Variants in BASP1 observed in about 807,000 individuals in gnomAD.
BASP1 encodes brain acid soluble protein 1.
BASP1 carries 1 observed loss-of-function variant against 2.2 expected under a neutral mutation model. That is an observed-to-expected ratio of 0.46 (90% CI 0.16 to 2.17). The LOEUF is 2.17. BASP1 is among the 30% of genes most tolerant of loss of function. The pLI is 0.27. For synonymous variants in BASP1, 187 were observed against 154.2 expected (o/e 1.21, Z -1.58); for missense variants, 352 against 327.2 (o/e 1.08, Z -0.58).
At chr5:17,269,369 GCAAA>G (rs1238422028) in intron 1 of BASP1, among the ~76,000 whole-genome samples, 1 of 152,200 alleles carries the variant, frequency 6.6e-6, no homozygotes, top group Non-Finnish European at 1.5e-5. Flanking sequence ...TTCCACGGAT[GCAAA>G]CACTTTTTGA....
intron 1 of BASP1, among the ~76,000 whole-genome samples, chr5:17,248,227 T>A (rs1740033362): frequency 6.6e-6 from 1 of 152,228 alleles, no homozygotes; most frequent in Non-Finnish European, 1.5e-5. Flanking sequence ...CCAGTGCTTG[T>A]AAACTGTGGA....
chr5:17,237,463 C>A (rs7715297), intron 1 of BASP1, among the ~76,000 whole-genome samples: 6,844 of 152,264 alleles, frequency 0.045, 494 homozygotes, highest in African/African-American at 0.15. Flanking sequence ...GACTGAGAAC[C>A]TGTTCTTAAC....
At chr5:17,259,425 T>C (rs1740272917) in intron 1 of BASP1, among the ~76,000 whole-genome samples, 1 of 152,236 alleles carries the variant, frequency 6.6e-6, no homozygotes, top group Admixed American at 6.5e-5. Context: ...TTGGATTGAA[T>C]ACATTCTTTT....
In BASP1 at chr5:17,226,990, G is replaced by A. The variant is rs191239471; in HGVS notation, c.-10+9180G>A. 2.6e-3 allele frequency among the ~76,000 whole-genome samples: 379 copies of A among 148,198 alleles called. 4 individuals carry two copies. The highest frequency in any genetic ancestry group is 8.8e-3 in the African/African-American group (353 of 39,998). On this transcript the variant is annotated intron_variant, in intron 1 of 1. Coordinates refer to ENST00000322611, the MANE Select transcript of BASP1 (RefSeq NM_006317.5). ...GTCGCCCAGGCTGGAGTGCAGTGGCGCAATCTCAGCTCACTGCAACCTCAG... is the reference window on the plus strand; with the variant it reads ...GTCGCCCAGGCTGGAGTGCAGTGGCACAATCTCAGCTCACTGCAACCTCAG...
chr5:17,229,807 G>A (rs1320217403), intron 1 of BASP1, among the ~76,000 whole-genome samples: 1 of 137,998 alleles, frequency 7.2e-6, no homozygotes, highest in Non-Finnish European at 1.6e-5. Context: ...TTTTTTTGAT[G>A]GAGTCTTGCT....
intron 1 of BASP1, among the ~76,000 whole-genome samples, chr5:17,225,731 G>A (rs1739487645): frequency 6.6e-6 from 1 of 152,184 alleles, no homozygotes; most frequent in Non-Finnish European, 1.5e-5. Context: ...CAGTGTGCAC[G>A]TTGTCGTGGC....
In BASP1 at chr5:17,257,875, A is replaced by G. The variant is rs1322998403; in HGVS notation, c.-9-17333A>G. Among the ~76,000 whole-genome samples, 7 of 152,216 alleles carry G rather than the reference A, an allele frequency of 4.6e-5. No homozygotes were observed. In the South Asian group the frequency reaches 1.0e-3, roughly 22 times the overall value. On this transcript the variant is annotated intron_variant, in intron 1 of 1. Transcript: ENST00000322611. ...GAAGCTTCATGTTGTGTAAGAAAGGAGCTTACAGAGCCAAACAGCACCGTT... is the reference window on the plus strand; with the variant it reads ...GAAGCTTCATGTTGTGTAAGAAAGGGGCTTACAGAGCCAAACAGCACCGTT...
rs1007533162 is a variant in BASP1, at chr5:17,255,397, G to GT, written c.-9-19802dup. 2.4e-4 allele frequency among the ~76,000 whole-genome samples: 36 copies of GT among 151,616 alleles called. No individual in the cohort carries two copies. The South Asian group carries it at 5.0e-3, about 21-fold the overall frequency. ...CTTAAAACTATAATAAGTTCACTAG[G>GT]TTTTTTTTTCCCATTAAAACAGACT... On this transcript the variant is annotated intron_variant, in intron 1 of 1. Transcript: ENST00000322611.
At chr5:17,237,953 G>A (rs552796958) in intron 1 of BASP1, among the ~76,000 whole-genome samples, 1 of 152,100 alleles carries the variant, frequency 6.6e-6, no homozygotes, top group Non-Finnish European at 1.5e-5. Flanking sequence ...GTAGTTCTCA[G>A]TGTTCGCCAA....
chr5:17,267,840 T>TTTC, intron 1 of BASP1, among the ~76,000 whole-genome samples: 1 of 148,064 alleles, frequency 6.8e-6, no homozygotes, highest in African/African-American at 2.5e-5. Flanking sequence ...TTTTTTTTTT[T>TTTC]TGCTTTTTAA....
At chr5:17,224,274 T>C (rs1176591086) in intron 1 of BASP1, among the ~76,000 whole-genome samples, 1 of 152,222 alleles carries the variant, frequency 6.6e-6, no homozygotes, top group Non-Finnish European at 1.5e-5. Context: ...TTACGGATTC[T>C]GGAGGGAAGT....
intron 1 of BASP1, among the ~76,000 whole-genome samples, chr5:17,234,395 A>T (rs932500202): frequency 1.4e-4 from 21 of 152,180 alleles, no homozygotes; most frequent in Non-Finnish European, 2.8e-4. Context: ...AAAAAAAATT[A>T]TATAGTTAAA....
At chr5:17,274,835 T>A (rs1740596161) in intron 1 of BASP1, among the ~76,000 whole-genome samples, 1 of 152,230 alleles carries the variant, frequency 6.6e-6, no homozygotes, top group African/African-American at 2.4e-5. Context: ...TTAAAATTTT[T>A]AACTTTTAAT....
chr5:17,265,472 G>A (rs1004597186), intron 1 of BASP1, among the ~76,000 whole-genome samples: 1 of 152,148 alleles, frequency 6.6e-6, no homozygotes, highest in African/African-American at 2.4e-5. Context: ...AATTTTGCTT[G>A]CCGCCAAAAA....
At chr5:17,262,543 T>C (rs1740333758) in intron 1 of BASP1, among the ~76,000 whole-genome samples, 1 of 152,218 alleles carries the variant, frequency 6.6e-6, no homozygotes, top group Non-Finnish European at 1.5e-5. Flanking sequence ...GCTAATGAGT[T>C]GATATGTGTA....
At chr5:17,243,310 C>T (rs891948921) in intron 1 of BASP1, among the ~76,000 whole-genome samples, 10 of 152,052 alleles carry the variant, frequency 6.6e-5, no homozygotes, top group African/African-American at 2.2e-4. Flanking sequence ...CGTACCACCA[C>T]GTCCAGCTGA....
At chr5:17,261,622 C>T (rs150108180) in intron 1 of BASP1, among the ~76,000 whole-genome samples, 1 of 152,294 alleles carries the variant, frequency 6.6e-6, no homozygotes, top group South Asian at 2.1e-4. Context: ...CTCTCCCCCC[C>T]ACCGTCTGCA....
chr5:17,230,650 G>A (rs1023277883), intron 1 of BASP1, among the ~76,000 whole-genome samples: 2 of 151,826 alleles, frequency 1.3e-5, no homozygotes, highest in African/African-American at 4.8e-5. Flanking sequence ...TGCAACCTCC[G>A]CCTCCCGAGT....
chr5:17,249,547 T>A (rs4288115), intron 1 of BASP1, among the ~76,000 whole-genome samples: 36,788 of 151,922 alleles, frequency 0.24, 5,566 homozygotes, highest in Non-Finnish European at 0.34. Flanking sequence ...TGGCATACAC[T>A]TTTTTTAACC....
Sources: gnomAD v4.1 joint callset for allele counts (sites outside exome capture counted in the v4.1 genomes callset) on GRCh38, gnomAD v4.1.1 for gene constraint, MANE v1.5 for transcripts, NCBI Gene and HGNC (gene_info 2026-07-23, HGNC 2026-07-21) for gene names.